RNF121: variants seen among roughly 807,000 people sequenced by gnomAD.
The protein encoded by RNF121 is E3 ubiquitin ligase RNF121.
RNF121 carries 21 observed loss-of-function variants against 46.5 expected under a neutral mutation model. The observed-to-expected ratio is 0.45, with a 90% CI of 0.32 to 0.65. The LOEUF is 0.65. Ranked by LOEUF, RNF121 falls within the 30% of genes least tolerant of loss-of-function variation. RNF121 has a pLI of 0.04. For synonymous variants in RNF121, 139 were observed against 144.7 expected (o/e 0.96, Z 0.28); for missense variants, 346 against 416.0 (o/e 0.83, Z 1.46).
chr11:71,989,419 C>T (rs567930543), intron 5 of RNF121, among the ~76,000 whole-genome samples: 19 of 152,220 alleles, frequency 1.2e-4, no homozygotes, highest in Admixed American at 9.8e-4. Flanking sequence ...TCTATAATTA[C>T]AGTTTCTTTT....
At chr11:71,951,892 T>C (rs1426647097) in intron 1 of RNF121, among the ~76,000 whole-genome samples, 1 of 152,164 alleles carries the variant, frequency 6.6e-6, no homozygotes, top group Non-Finnish European at 1.5e-5. Context: ...ATGGTACAGC[T>C]GCCGTGGAAA....
At chr11:71,959,144 C>A (rs754450762) in intron 2 of RNF121, among the ~76,000 whole-genome samples, 8 of 152,190 alleles carry the variant, frequency 5.3e-5, no homozygotes, top group African/African-American at 9.7e-5. Flanking sequence ...AAGTTTCGAA[C>A]TCCCAATCCT....
intron 3 of RNF121, among the ~76,000 whole-genome samples, chr11:71,967,539 G>A (rs185943593): frequency 4.1e-4 from 62 of 151,920 alleles, no homozygotes; most frequent in African/African-American, 1.5e-3. Flanking sequence ...TAGTACAAAT[G>A]TATTTTAGTA....
At chr11:71,965,482 G>C (rs969195279) in intron 3 of RNF121, among the ~76,000 whole-genome samples, 1 of 152,152 alleles carries the variant, frequency 6.6e-6, no homozygotes, top group Non-Finnish European at 1.5e-5. Context: ...CTGGGCTGAA[G>C]TGATCCATCC....
intron 1 of RNF121, among the ~76,000 whole-genome samples, chr11:71,950,766 C>T (rs112447973): frequency 0.032 from 4,922 of 151,948 alleles, 77 homozygotes; most frequent in East Asian, 0.078. Context: ...CATTCCCCTG[C>T]CTCAGCCTCC....
Position 71,986,034 on chromosome 11 carries a change from G to C in RNF121, c.399-970G>C, listed in dbSNP as rs150391040. ...AATTAGGTTGTACACTGTCTTCATT[G>C]GCTCCTGGGGCACACTACTCCTCCT... On this transcript the variant is annotated intron_variant, in intron 4 of 8. Coordinates refer to ENST00000361756, the MANE Select transcript of RNF121 (RefSeq NM_018320.5). Among the ~76,000 whole-genome samples the C allele has an allele frequency of 7.9e-5, 12 of 152,090 alleles. No individual in the cohort carries two copies. The South Asian group carries it at 1.0e-3, about 13-fold the overall frequency.
intron 3 of RNF121, among the ~76,000 whole-genome samples, chr11:71,964,375 T>G (rs1294024057): frequency 6.6e-6 from 1 of 152,218 alleles, no homozygotes; most frequent in Admixed American, 6.5e-5. Flanking sequence ...GCTGAATTTA[T>G]TAGCTCTAAT....
At chr11:71,996,124 G>GC in intron 8 of RNF121, 71 bp from the exon 9 acceptor site, 12 of 1,576,560 alleles carry the variant, frequency 7.6e-6, no homozygotes, top group Non-Finnish European at 1.0e-5. Flanking sequence ...GACCCAGGGA[G>GC]CCCCACCACC....
chr11:71,977,247 GGTA>G (rs1238772573), intron 3 of RNF121, among the ~76,000 whole-genome samples: 1 of 152,156 alleles, frequency 6.6e-6, no homozygotes, highest in African/African-American at 2.4e-5. Flanking sequence ...ATGCAGAGGT[GGTA>G]AGATGAGAAT....
chr11:71,945,688 C>T (rs1485174646), intron 1 of RNF121, among the ~76,000 whole-genome samples: 2 of 152,138 alleles, frequency 1.3e-5, no homozygotes, highest in East Asian at 3.8e-4. Context: ...GATCCTTTAA[C>T]CATTTCAGAT....
chr11:71,945,448 CAAGAGAGAATT>C lies in RNF121; in HGVS notation c.64-11766_64-11756del, dbSNP rs1162165276. Among the ~76,000 whole-genome samples, 8 of 152,148 alleles carry C rather than the reference CAAGAGAGAATT, an allele frequency of 5.3e-5. No homozygotes were observed. The South Asian group carries it at 1.4e-3, about 28-fold the overall frequency. Reference sequence around the variant, plus strand: ...TGCAATATCATCCCCACTGTTTGTTCAAGAGAGAATTAAGAGAGAATTACTCAGTGTCTGAG... The same window carrying C: ...TGCAATATCATCCCCACTGTTTGTTCAAGAGAGAATTACTCAGTGTCTGAG... On this transcript the variant is annotated intron_variant, in intron 1 of 8. Coordinates refer to ENST00000361756, the MANE Select transcript of RNF121 (RefSeq NM_018320.5).
intron 1 of RNF121, among the ~76,000 whole-genome samples, chr11:71,956,809 A>T (rs1345148868): frequency 6.6e-6 from 1 of 151,756 alleles, no homozygotes. Flanking sequence ...GATAATTCAC[A>T]TCTCCTCCAT....
At chr11:71,981,003 A>G (rs1426119374) in intron 3 of RNF121, among the ~76,000 whole-genome samples, 2 of 152,050 alleles carry the variant, frequency 1.3e-5, no homozygotes, top group African/African-American at 4.8e-5. Flanking sequence ...GACTTGCATG[A>G]TATTTCGTTT....
At chr11:71,961,034 G>A (rs960749031) in intron 3 of RNF121, 143 bp downstream of exon 3, 1 of 907,376 alleles carries the variant, frequency 1.1e-6, no homozygotes, top group Non-Finnish European at 1.7e-6. Context: ...GATGAATAGT[G>A]TATTGGCGAG....
chr11:71,953,265 C>T (rs191360626), intron 1 of RNF121, among the ~76,000 whole-genome samples: 6 of 152,276 alleles, frequency 3.9e-5, no homozygotes, highest in African/African-American at 1.2e-4. Flanking sequence ...AATTCCTGGC[C>T]TCAAGAGATC....
At chr11:71,965,331 A>G (rs1368790107) in intron 3 of RNF121, among the ~76,000 whole-genome samples, 1 of 150,562 alleles carries the variant, frequency 6.6e-6, no homozygotes, top group Admixed American at 6.6e-5. Context: ...GCTCACTGCA[A>G]CCTCTGCCTC....
At chr11:71,968,686 A>G (rs1338702090) in intron 3 of RNF121, among the ~76,000 whole-genome samples, 4 of 152,178 alleles carry the variant, frequency 2.6e-5, no homozygotes, top group Admixed American at 6.5e-5. Flanking sequence ...TTGTTCAGTC[A>G]GTAGATATTC....
At chr11:71,953,975 G>T (rs1953936007) in intron 1 of RNF121, among the ~76,000 whole-genome samples, 1 of 152,084 alleles carries the variant, frequency 6.6e-6, no homozygotes, top group South Asian at 2.1e-4. Flanking sequence ...TTCAAATCTG[G>T]GCATGACTGG....
intron 1 of RNF121, among the ~76,000 whole-genome samples, chr11:71,933,460 C>G (rs554924240): frequency 3.3e-5 from 5 of 152,310 alleles, no homozygotes; most frequent in African/African-American, 1.2e-4. Flanking sequence ...AAAGAGAAGA[C>G]TGGACTAGAT....
Sources: allele counts gnomAD v4.1 joint callset (sites outside exome capture counted in the v4.1 genomes callset), GRCh38; gene constraint gnomAD v4.1.1; transcripts MANE v1.5; gene names NCBI Gene and HGNC (gene_info 2026-07-23, HGNC 2026-07-21).